KALRN: variants seen among roughly 807,000 people sequenced by gnomAD.
The protein encoded by KALRN is kalirin RhoGEF kinase.
KALRN carries 70 observed loss-of-function variants against 353.7 expected under a neutral mutation model. The ratio of observed to expected loss-of-function variants is 0.20; its 90% CI spans 0.16 to 0.24. The LOEUF (loss-of-function observed/expected upper bound fraction) is 0.24, where lower values mean the gene tolerates loss of function less well. Among genes scored for constraint, KALRN ranks in the 10% least tolerant of loss-of-function variants. The pLI, the probability that KALRN is intolerant of heterozygous loss-of-function variation, is 1.00. For synonymous variants in KALRN, 1,391 were observed against 1,434.8 expected, an observed-to-expected ratio of 0.97 and a Z score of 0.69; for missense variants, 2,791 against 3,756.7, an observed-to-expected ratio of 0.74 and a Z score of 6.72.
At chr3:124,464,693 G>A (rs1474078705) in intron 25 of KALRN, among the ~76,000 whole-genome samples, 3 of 151,986 alleles carry the variant, frequency 2.0e-5, no homozygotes, top group South Asian at 2.1e-4. Flanking sequence ...TTTCATAGAA[G>A]CATCTTTCTA....
rs766672372 is a variant in KALRN, at chr3:124,702,103, A to G, written c.8062A>G (p.Asn2688Asp). 6 of 1,612,074 alleles carry G rather than the reference A, an allele frequency of 3.7e-6. No individual in the cohort carries two copies. The highest frequency in any genetic ancestry group is 5.1e-6 in the Non-Finnish European group (6 of 1,178,542). Residue 2688 changes from asparagine to aspartate, a missense_variant, in exon 57 of 60, where the codon AAT (asparagine) becomes GAT (aspartate). Around this residue, in one of 11 missense-constraint regions of KALRN, gnomAD observed 188 missense variants for 402.9 expected, o/e 0.47. Transcript: ENST00000682506. ...TTTTGACTCAGCTTACACTGAGCTG[A>G]ATGAAATTGGAAGGTAATGACACAG... ...ENFDSAYTEL[N>D]EIGRGRFSIV...
rs1242672607 is a variant in KALRN at position 124,334,548 on chromosome 3, G to T, written c.1647+53G>T. On this transcript the variant is annotated intron_variant, in intron 9 of 59. Coordinates refer to ENST00000682506, the MANE Select transcript of KALRN (RefSeq NM_001388419.1). This position sits in a 1 kb window ranked among gnomAD's most constrained non-coding sequence, Gnocchi z 4.2. ...TTATCCATTCTAGGAGGCAGACCGA[G>T]CTCAAGTCCCTGACCTAGGTGATCA... The T allele has an allele frequency of 1.4e-5, 19 of 1,325,298 alleles. No individual in the cohort carries two copies. The East Asian group carries it at 4.7e-4, about 32-fold the overall frequency. The allele number at this position is 1,325,298 out of a possible 1,614,324, so 82.1% of individuals were successfully genotyped here.
chr3:124,669,769 G>A (rs1330741160), intron 47 of KALRN, among the ~76,000 whole-genome samples: 1 of 152,070 alleles, frequency 6.6e-6, no homozygotes, highest in Non-Finnish European at 1.5e-5. Context: ...TACATAAAAT[G>A]GCATAGTGTT....
intron 1 of KALRN, among the ~76,000 whole-genome samples, chr3:124,088,137 G>T (rs1467448270): frequency 6.6e-6 from 1 of 151,948 alleles, no homozygotes; most frequent in East Asian, 1.9e-4. Context: ...TGGGTATCAT[G>T]ATGTGAGGCC....
chr3:124,637,565 G>A (rs2081499959), intron 37 of KALRN, among the ~76,000 whole-genome samples: 1 of 152,212 alleles, frequency 6.6e-6, no homozygotes, highest in Admixed American at 6.5e-5. Context: ...CTCATTGCAA[G>A]CCTGATCCAG....
chr3:124,124,088 G>C (rs1339262740), intron 1 of KALRN, among the ~76,000 whole-genome samples: 1 of 152,172 alleles, frequency 6.6e-6, no homozygotes, highest in African/African-American at 2.4e-5. Context: ...TGCTGCCATA[G>C]ATAGTGATTC....
At chr3:124,598,868 G>T (rs937311542) in intron 34 of KALRN, among the ~76,000 whole-genome samples, 1 of 152,190 alleles carries the variant, frequency 6.6e-6, no homozygotes, top group African/African-American at 2.4e-5. Context: ...TAGAGACAAG[G>T]TCTTGCCATG....
At chr3:124,716,755 A>G (rs375522037) in intron 58 of KALRN, among the ~76,000 whole-genome samples, 1 of 152,188 alleles carries the variant, frequency 6.6e-6, no homozygotes, top group African/African-American at 2.4e-5. Context: ...GCAGTGAGCT[A>G]TGATTGTGCC....
chr3:124,126,572 A>G (rs570457517), intron 1 of KALRN, among the ~76,000 whole-genome samples: 37 of 152,310 alleles, frequency 2.4e-4, no homozygotes, highest in African/African-American at 8.9e-4. Flanking sequence ...ATGACATCCA[A>G]TTATAACTTC....
At position 124,718,359 on chromosome 3, in the gene KALRN, G is replaced by A. The variant is rs756030778; in HGVS notation, c.8416-566G>A. The stretch of plus-strand genomic sequence containing the variant: ...GATGGTCTCGAACTCCTGACCTTGC[G>A]ATCCACCCGCCTTGGCCACCCAAAG... On this transcript the variant is annotated intron_variant, in intron 59 of 59. Coordinates refer to ENST00000682506, the MANE Select transcript of KALRN (RefSeq NM_001388419.1). Among the ~76,000 whole-genome samples, 11 of 152,000 alleles carry A rather than the reference G, an allele frequency of 7.2e-5. No individual in the cohort carries two copies. In the East Asian group the frequency reaches 7.7e-4, roughly 11 times the overall value.
At chr3:124,109,577 T>C (rs2062641726) in intron 1 of KALRN, among the ~76,000 whole-genome samples, 1 of 151,808 alleles carries the variant, frequency 6.6e-6, no homozygotes, top group African/African-American at 2.4e-5. Flanking sequence ...TTCCATTATC[T>C]GAAGTCTTTA....
intron 1 of KALRN, among the ~76,000 whole-genome samples, chr3:124,186,222 C>T (rs993569498): frequency 2.0e-5 from 3 of 152,224 alleles, no homozygotes; most frequent in South Asian, 4.2e-4. Context: ...CAGAAGGGGC[C>T]GCCCTTGAGG....
intron 34 of KALRN, among the ~76,000 whole-genome samples, chr3:124,590,260 G>A (rs1472609090): frequency 1.3e-5 from 2 of 152,098 alleles, no homozygotes; most frequent in African/African-American, 4.8e-5. Context: ...TAGAAATGGG[G>A]GTGTATGAAG....
intron 1 of KALRN, among the ~76,000 whole-genome samples, chr3:124,176,566 G>A (rs1309476889): frequency 1.3e-5 from 2 of 152,166 alleles, no homozygotes; most frequent in African/African-American, 4.8e-5. Flanking sequence ...TCAAGCCGAA[G>A]TTGGCTGACC....
chr3:124,323,278 G>T (rs2079538136), intron 6 of KALRN, among the ~76,000 whole-genome samples: 1 of 152,298 alleles, frequency 6.6e-6, no homozygotes, highest in Admixed American at 6.5e-5. Context: ...CAGTGGTTCA[G>T]ATCCCTTCCC....
intron 3 of KALRN, among the ~76,000 whole-genome samples, chr3:124,239,069 T>A (rs778078789): frequency 4.6e-4 from 70 of 152,352 alleles, no homozygotes; most frequent in Non-Finnish European, 9.1e-4. Context: ...TTATCTTTAC[T>A]GTCATCCACC....
intron 4 of KALRN, among the ~76,000 whole-genome samples, chr3:124,265,700 A>G (rs993402991): frequency 6.6e-6 from 1 of 152,188 alleles, no homozygotes; most frequent in African/African-American, 2.4e-5. Context: ...CACAGCTCAC[A>G]TGTTCCTATA....
intron 15 of KALRN, among the ~76,000 whole-genome samples, chr3:124,424,498 C>T (rs796194869): frequency 2.0e-5 from 3 of 152,112 alleles, no homozygotes; most frequent in African/African-American, 7.2e-5. Flanking sequence ...CTGTCTTCTC[C>T]ACTCCCCATC....
At chr3:124,536,842 C>T (rs565465372) in intron 33 of KALRN, among the ~76,000 whole-genome samples, 1 of 152,222 alleles carries the variant, frequency 6.6e-6, no homozygotes, top group South Asian at 2.1e-4. Flanking sequence ...TTAAAATATA[C>T]ACTCTACACT....
Sources: gnomAD v4.1 joint callset for allele counts (sites outside exome capture counted in the v4.1 genomes callset) on GRCh38, gnomAD v4.1.1 for gene constraint, gnomAD v4.1.1 regional missense constraint, Gnocchi (gnomAD v3.1) non-coding constraint, MANE v1.5 for transcripts, NCBI Gene and HGNC (gene_info 2026-07-23, HGNC 2026-07-21) for gene names.